The following SLC25A12 variants were observed in gnomAD, a reference collection of about 807,000 sequenced individuals.
SLC25A12 encodes solute carrier family 25 member 12, also known as electrogenic aspartate/glutamate antiporter SLC25A12, mitochondrial.
In SLC25A12, 32 loss-of-function variants were observed where a neutral mutation model predicts 83.3. The ratio of observed to expected loss-of-function variants is 0.38; its 90% CI spans 0.29 to 0.52. The LOEUF is 0.52. Ranked by LOEUF, SLC25A12 falls within the 20% of genes least tolerant of loss-of-function variation. SLC25A12 has a pLI of 0.84. For missense variants in SLC25A12, 611 were observed against 835.6 expected (o/e 0.73, Z 3.31); for synonymous variants, 267 against 291.1 (o/e 0.92, Z 0.84).
At chr2:171,793,339 G>A (rs577903722) in intron 14 of SLC25A12, among the ~76,000 whole-genome samples, 1 of 152,230 alleles carries the variant, frequency 6.6e-6, no homozygotes, top group Non-Finnish European at 1.5e-5. Context: ...ACCAGGGAAA[G>A]TTTTCCCAAG....
chr2:171,847,430 G>T (rs1684822301), intron 4 of SLC25A12, among the ~76,000 whole-genome samples: 1 of 152,198 alleles, frequency 6.6e-6, no homozygotes, highest in South Asian at 2.1e-4. Context: ...CAAACAGCTG[G>T]TGTTTTTATG....
intron 8 of SLC25A12, among the ~76,000 whole-genome samples, chr2:171,833,145 T>C (rs1684478841): frequency 6.6e-6 from 1 of 152,118 alleles, no homozygotes; most frequent in Non-Finnish European, 1.5e-5. Context: ...GGCTTCCAGT[T>C]CCAGATGATG....
At chr2:171,853,679 T>C (rs971724317) in intron 4 of SLC25A12, among the ~76,000 whole-genome samples, 2 of 149,368 alleles carry the variant, frequency 1.3e-5, no homozygotes, top group Non-Finnish European at 3.0e-5. Context: ...AGGCTCCACC[T>C]CCAAAAAAAA....
At chr2:171,873,647 C>T (rs1685503888) in intron 2 of SLC25A12, among the ~76,000 whole-genome samples, 1 of 152,036 alleles carries the variant, frequency 6.6e-6, no homozygotes, top group African/African-American at 2.4e-5. Context: ...TACTTCTGTT[C>T]CCAATCACTC....
chr2:171,837,491 G>C (rs1390654510), intron 5 of SLC25A12, among the ~76,000 whole-genome samples: 4 of 152,146 alleles, frequency 2.6e-5, no homozygotes, highest in Non-Finnish European at 5.9e-5. Flanking sequence ...ATGAATGAGA[G>C]CACATCAATA....
intron 13 of SLC25A12, among the ~76,000 whole-genome samples, chr2:171,798,285 C>T (rs147643882): frequency 1.8e-4 from 28 of 152,250 alleles, no homozygotes; most frequent in African/African-American, 2.6e-4. Context: ...TGCCAAAGGC[C>T]GAGGGGCTGT....
At chr2:171,886,760 T>A (rs370946487) in intron 2 of SLC25A12, among the ~76,000 whole-genome samples, 19 of 152,196 alleles carry the variant, frequency 1.2e-4, no homozygotes, top group Non-Finnish European at 2.4e-4. Context: ...TCCGCCCACC[T>A]TGGCCTCCCA....
chr2:171,793,305 G>A (rs1307055986), intron 14 of SLC25A12, among the ~76,000 whole-genome samples: 2 of 152,024 alleles, frequency 1.3e-5, no homozygotes, highest in Non-Finnish European at 2.9e-5. Flanking sequence ...CTATTTTGAA[G>A]CCCTAAACCA....
chr2:171,810,122 T>G, intron 12 of SLC25A12, 102 bp downstream of exon 12: 42 of 983,522 alleles, frequency 4.3e-5, no homozygotes, highest in Non-Finnish European at 5.4e-5. Context: ...CCCAAAATGC[T>G]GAGATTATAG....
chr2:171,817,017 A>C (rs952539885), intron 9 of SLC25A12, among the ~76,000 whole-genome samples: 1 of 152,124 alleles, frequency 6.6e-6, no homozygotes, highest in Non-Finnish European at 1.5e-5. Context: ...AAGAAAAGAC[A>C]CAAGAAAGAC....
Position 171,834,068 on chromosome 2 carries a change from A to G in SLC25A12, c.752-12T>C. 2 of 1,471,774 alleles carry G rather than the reference A, an allele frequency of 1.4e-6. No homozygotes were observed. Among genetic ancestry groups the G allele is most frequent in the Non-Finnish European group, 1.9e-6 (2 of 1,052,206 alleles). The allele number at this position is 1,471,774 out of a possible 1,614,324, so 91.2% of individuals were successfully genotyped here. On this transcript the variant is annotated splice_polypyrimidine_tract_variant and intron_variant, in intron 7 of 17. Coordinates refer to ENST00000422440, the MANE Select transcript of SLC25A12 (RefSeq NM_003705.5). ...CTGGGCAAATTCCTCTGGAACAGAG[A>G]AAAAAAAAGTTAAAATCTTGAATGA...
intron 2 of SLC25A12, among the ~76,000 whole-genome samples, chr2:171,885,129 C>T (rs1023221976): frequency 8.8e-5 from 13 of 147,980 alleles, no homozygotes; most frequent in African/African-American, 3.0e-4. Context: ...AGGAGAATGG[C>T]GTGAACCTGG....
At position 171,815,123 on chromosome 2, in the gene SLC25A12, C is replaced by T; in HGVS notation, c.1010G>A (p.Gly337Glu). ...CAGCACACAGACATGTCACTCACCT[C>T]CAGCAACTGAGCCCAGAGTGAATCT... ...AYRFTLGSVA[G>E]AVGATAVYPI... Residue 337 changes from glycine to glutamate, a missense_variant and splice_region_variant, in exon 10 of 18, where the codon GGA (glycine) becomes GAA (glutamate). Transcript: ENST00000422440. The T allele has an allele frequency of 6.2e-7, 1 of 1,613,188 alleles. No homozygotes were observed. Among genetic ancestry groups the T allele is most frequent in the Non-Finnish European group, 8.5e-7 (1 of 1,179,238 alleles).
intron 13 of SLC25A12, among the ~76,000 whole-genome samples, chr2:171,800,718 G>C (rs889635516): frequency 6.6e-6 from 1 of 152,118 alleles, no homozygotes; most frequent in Non-Finnish European, 1.5e-5. Flanking sequence ...CATCCATCAA[G>C]AGAAAAATGG....
intron 1 of SLC25A12, among the ~76,000 whole-genome samples, chr2:171,893,502 T>G (rs541246739): frequency 1.6e-4 from 24 of 152,332 alleles, no homozygotes; most frequent in African/African-American, 5.8e-4. Context: ...TCCTCTGGAC[T>G]GGAAAGGGAA....
At chr2:171,864,816 C>T (rs983860757) in intron 3 of SLC25A12, among the ~76,000 whole-genome samples, 5 of 152,152 alleles carry the variant, frequency 3.3e-5, no homozygotes, top group African/African-American at 9.7e-5. Context: ...GCTATGACAG[C>T]ACCTCATTTC....
intron 2 of SLC25A12, among the ~76,000 whole-genome samples, chr2:171,889,039 A>T (rs1400522376): frequency 6.6e-6 from 1 of 151,942 alleles, no homozygotes; most frequent in Non-Finnish European, 1.5e-5. Context: ...TTCTTGTGAA[A>T]CTCCTACTTT....
chr2:171,811,177 G>T (rs1683939277), intron 11 of SLC25A12, among the ~76,000 whole-genome samples: 2 of 152,116 alleles, frequency 1.3e-5, no homozygotes, highest in African/African-American at 2.4e-5. Context: ...ATATGTGTTT[G>T]CCTGCTTGCT....
rs78005028 is a variant in SLC25A12 at position 171,825,361 on chromosome 2, T to G, written c.930+1437A>C. Among the ~76,000 whole-genome samples, 598 of 152,304 alleles carry G rather than the reference T, an allele frequency of 3.9e-3. 2 individuals carry two copies. Among genetic ancestry groups the G allele is most frequent in the Non-Finnish European group, 6.7e-3 (456 of 68,026 alleles). On this transcript the variant is annotated intron_variant, in intron 9 of 17. Coordinates refer to ENST00000422440, the MANE Select transcript of SLC25A12 (RefSeq NM_003705.5). ...ATTCTAATTAGTTTCACAGGCAGAATCATCATTCCATGGAGCTCAAGTAGA... is the reference window on the plus strand; with the variant it reads ...ATTCTAATTAGTTTCACAGGCAGAAGCATCATTCCATGGAGCTCAAGTAGA...
Sources: allele counts gnomAD v4.1 joint callset (sites outside exome capture counted in the v4.1 genomes callset), GRCh38; gene constraint gnomAD v4.1.1; transcripts MANE v1.5; gene names NCBI Gene and HGNC (gene_info 2026-07-23, HGNC 2026-07-21).